Variants in MCTP2 observed in about 807,000 individuals in gnomAD.
MCTP2 encodes the protein multiple C2 and transmembrane domain containing 2.
MCTP2 carries 132 observed loss-of-function variants against 111.6 expected under a neutral mutation model. The ratio of observed to expected loss-of-function variants is 1.18; its 90% CI spans 1.03 to 1.37. The LOEUF is 1.37. Ranked by LOEUF, MCTP2 falls within the 40% of genes most tolerant of loss-of-function variation. MCTP2 has a pLI of 0.00. For synonymous variants in MCTP2, 395 were observed against 387.7 expected, an observed-to-expected ratio of 1.02 and a Z score of -0.22; for missense variants, 1,183 against 1,067.9, an observed-to-expected ratio of 1.11 and a Z score of -1.50.
intron 1 of MCTP2, among the ~76,000 whole-genome samples, chr15:94,278,655 T>C (rs2152310029): frequency 6.6e-6 from 1 of 152,134 alleles, no homozygotes; most frequent in Admixed American, 6.5e-5. Context: ...GTCACTGGGG[T>C]TTGATGTACT....
intron 17 of MCTP2, among the ~76,000 whole-genome samples, chr15:94,404,926 T>C (rs2081827487): frequency 6.6e-6 from 1 of 152,210 alleles, no homozygotes; most frequent in African/African-American, 2.4e-5. Context: ...TCCTGTGATC[T>C]GTTGACAGAA....
intron 17 of MCTP2, among the ~76,000 whole-genome samples, chr15:94,419,746 C>A (rs1021670911): frequency 1.4e-5 from 2 of 147,548 alleles, no homozygotes; most frequent in Admixed American, 6.9e-5. Context: ...GCACTTTGCA[C>A]ATACTGCTTA....
At chr15:94,306,408 A>G (rs12899314) in intron 2 of MCTP2, among the ~76,000 whole-genome samples, 26,704 of 152,212 alleles carry the variant, frequency 0.18, 2,618 homozygotes, top group Non-Finnish European at 0.24. Flanking sequence ...GCTTAATGTC[A>G]TCCAGCTAGT....
rs903856857 is a variant in MCTP2 at position 94,244,688 on chromosome 15, G to T, written c.-66+13024G>T. Among the ~76,000 whole-genome samples, 57 of 144,702 alleles carry T rather than the reference G, an allele frequency of 3.9e-4. 2 individuals are homozygous for T. The highest frequency in any genetic ancestry group is 1.4e-3 in the African/African-American group (52 of 37,330). 94.9% of individuals were successfully genotyped at this position (144,702 alleles called of 152,430 possible). On this transcript the variant is annotated intron_variant, in intron 1 of 22. Transcript: ENST00000357742. ...TACATATCCACCTATGTTTATATAC[G>T]TATATGTATACACATACATATGCAC... is the stretch of plus-strand genomic sequence containing the variant.
chr15:94,338,001 G>A (rs2077449979), intron 4 of MCTP2, among the ~76,000 whole-genome samples: 1 of 152,088 alleles, frequency 6.6e-6, no homozygotes, highest in Non-Finnish European at 1.5e-5. Context: ...GAGCTAAATA[G>A]AAATATTAAA....
intron 12 of MCTP2, among the ~76,000 whole-genome samples, chr15:94,377,876 C>G (rs960559383): frequency 3.3e-5 from 5 of 151,998 alleles, no homozygotes; most frequent in Non-Finnish European, 7.4e-5. Context: ...AGGAAAGGCA[C>G]TTGAAAATGA....
At chr15:94,466,456 A>G (rs1475470897) in intron 20 of MCTP2, among the ~76,000 whole-genome samples, 1 of 152,168 alleles carries the variant, frequency 6.6e-6, no homozygotes, top group East Asian at 1.9e-4. Context: ...AGGCTTTTCA[A>G]GCAACACTGG....
intron 19 of MCTP2, among the ~76,000 whole-genome samples, chr15:94,451,551 C>A (rs190527781): frequency 6.6e-6 from 1 of 152,160 alleles, no homozygotes; most frequent in African/African-American, 2.4e-5. Flanking sequence ...TTACACATTT[C>A]CCTCTGTAAA....
chr15:94,303,101 TTA>T (rs376412572), intron 2 of MCTP2, among the ~76,000 whole-genome samples: 157 of 22,326 alleles, frequency 7.0e-3, no homozygotes, highest in African/African-American at 0.021. Context: ...TTTATATAGT[TTA>T]TATATATATA....
chr15:94,475,211 T>C (rs2074256575), intron 21 of MCTP2, among the ~76,000 whole-genome samples: 1 of 152,136 alleles, frequency 6.6e-6, no homozygotes, highest in Non-Finnish European at 1.5e-5. Flanking sequence ...AAATTTTAGC[T>C]AGAAACGTGA....
intron 9 of MCTP2, among the ~76,000 whole-genome samples, chr15:94,357,175 A>G (rs1442732979): frequency 6.6e-6 from 1 of 152,234 alleles, no homozygotes; most frequent in Non-Finnish European, 1.5e-5. Context: ...CGCACTGCAC[A>G]ATTTTCAGTA....
At chr15:94,247,634 C>A (rs768400) in intron 1 of MCTP2, among the ~76,000 whole-genome samples, 1 of 151,952 alleles carries the variant, frequency 6.6e-6, no homozygotes, top group African/African-American at 2.4e-5. Context: ...GCATCCTCAC[C>A]ATAGTTTACT....
intron 22 of MCTP2, among the ~76,000 whole-genome samples, chr15:94,477,295 T>C (rs540950680): frequency 6.6e-6 from 1 of 152,210 alleles, no homozygotes; most frequent in South Asian, 2.1e-4. Context: ...AGCCCCCATT[T>C]ACTGTAATAC....
At chr15:94,363,390 G>A (rs189474050) in intron 10 of MCTP2, among the ~76,000 whole-genome samples, 3 of 152,196 alleles carry the variant, frequency 2.0e-5, no homozygotes, top group Admixed American at 1.3e-4. Flanking sequence ...GAATGGAAGC[G>A]GAGGCTTCCT....
intron 1 of MCTP2, among the ~76,000 whole-genome samples, chr15:94,241,323 A>G (rs754831709): frequency 5.3e-5 from 8 of 152,194 alleles, no homozygotes; most frequent in African/African-American, 1.9e-4. Flanking sequence ...TATTCATTCC[A>G]ATAAGAAGCC....
intron 9 of MCTP2, 70 bp from the exon 10 acceptor site, chr15:94,358,412 T>A (rs1240649228): frequency 7.1e-7 from 1 of 1,416,390 alleles, no homozygotes; most frequent in East Asian, 2.3e-5. Flanking sequence ...AATGATGAAA[T>A]TAATGTGTAG....
intron 1 of MCTP2, among the ~76,000 whole-genome samples, chr15:94,294,633 C>T (rs1379466038): frequency 6.6e-6 from 1 of 152,168 alleles, no homozygotes; most frequent in Non-Finnish European, 1.5e-5. Context: ...ACAGCAACTC[C>T]TTTTCTCATT....
At chr15:94,463,731 T>A (rs2085353453) in intron 20 of MCTP2, among the ~76,000 whole-genome samples, 1 of 152,180 alleles carries the variant, frequency 6.6e-6, no homozygotes, top group Non-Finnish European at 1.5e-5. Flanking sequence ...ATATGCTTTA[T>A]CAGGTAAAGG....
At chr15:94,286,132 C>G (rs1333337684) in intron 1 of MCTP2, among the ~76,000 whole-genome samples, 1 of 152,118 alleles carries the variant, frequency 6.6e-6, no homozygotes, top group East Asian at 1.9e-4. Flanking sequence ...TGGAAATGAT[C>G]TAGAGAGAGC....
Sources: gnomAD v4.1 joint callset for allele counts (sites outside exome capture counted in the v4.1 genomes callset) on GRCh38, gnomAD v4.1.1 for gene constraint, MANE v1.5 for transcripts, NCBI Gene and HGNC (gene_info 2026-07-23, HGNC 2026-07-21) for gene names.